INIP: variants seen among roughly 807,000 people sequenced by gnomAD.
INIP encodes the protein INTS3 and NABP interacting protein, also known as SOSS complex subunit C.
INIP carries 9 observed loss-of-function variants against 14.0 expected under a neutral mutation model. The ratio of observed to expected loss-of-function variants is 0.64; its 90% CI spans 0.39 to 1.12. INIP has a LOEUF of 1.12. Ranked by LOEUF, INIP falls within the 50% of genes most tolerant of loss-of-function variation. The pLI is 0.01. For synonymous variants in INIP, 37 were observed against 41.5 expected (o/e 0.89, Z 0.41); for missense variants, 78 against 122.7 (o/e 0.64, Z 1.72).
chr9:112,701,636 T>C (rs1588081621), intron 2 of INIP, among the ~76,000 whole-genome samples: 1 of 152,342 alleles, frequency 6.6e-6, no homozygotes, highest in South Asian at 2.1e-4. Flanking sequence ...CCCATTTGTA[T>C]ATATACAAAT....
At chr9:112,689,496 C>T (rs753953203) in intron 4 of INIP, 31 bp downstream of exon 4, 23 of 1,575,516 alleles carry the variant, frequency 1.5e-5, no homozygotes, top group Non-Finnish European at 1.8e-5. Flanking sequence ...GAAACCTCCA[C>T]CGAGGCAAGA....
At position 112,694,220 on chromosome 9, in the gene INIP, T is replaced by C; in HGVS notation, c.39A>G (p.Lys13=). The C allele has an allele frequency of 6.2e-7, 1 of 1,606,800 alleles. No individual in the cohort carries two copies. Among genetic ancestry groups the C allele is most frequent in the Admixed American group, 1.7e-5 (1 of 58,422 alleles). Residue 13 remains lysine, a synonymous_variant, in exon 3 of 5, where the codon AAA becomes AAG. Coordinates refer to ENST00000374242, the MANE Select transcript of INIP (RefSeq NM_021218.3). The part of the protein sequence containing the change: ...ANSSGQGFQN[K]NRVAILAELD... ...GTTCTGCCAAGATTGCAACTCTATT[T>C]TTGTTTTGAAAACCTAAAAAAAAGA...
Position 112,687,365 on chromosome 9 carries a change from C to T in INIP, c.*173G>A. On this transcript the variant is annotated 3_prime_UTR_variant, in exon 5 of 5. Coordinates refer to ENST00000374242, the MANE Select transcript of INIP (RefSeq NM_021218.3). ...TGGACGATACAGCTTCCACAGCTCT[C>T]ATCATCCTGGTTATTCTTCTTTCAG... The T allele has an allele frequency of 1.9e-6, 1 of 519,636 alleles. No homozygotes were observed. Among genetic ancestry groups the T allele is most frequent in the Non-Finnish European group, 3.5e-6 (1 of 285,502 alleles). The allele number at this position is 519,636 out of a possible 1,614,324, so 32.2% of individuals were successfully genotyped here. A position where few individuals can be genotyped will look rare whatever the true frequency, so the allele number is the denominator to read the frequency against.
chr9:112,695,964 T>C (rs1369463860), intron 2 of INIP, among the ~76,000 whole-genome samples: 1 of 152,140 alleles, frequency 6.6e-6, no homozygotes, highest in East Asian at 1.9e-4. Context: ...CATATCTCAC[T>C]GCAGCCTCAA....
chr9:112,686,522 A>G lies in INIP; in HGVS notation c.*1016T>C, dbSNP rs565780013. ...TTCTTTTTCTTTTTTTCTTTGAGAC[A>G]AAGACTCACTGTCACCCAGGCTGGA... On this transcript the variant is annotated 3_prime_UTR_variant, in exon 5 of 5. Transcript: ENST00000374242. 4 of 152,286 alleles carry G rather than the reference A, an allele frequency of 2.6e-5. No homozygotes were observed. The highest frequency in any genetic ancestry group is 2.6e-4 in the Admixed American group (4 of 15,282). 9.4% of individuals were successfully genotyped at this position (152,286 alleles called of 1,614,324 possible). A position where few individuals can be genotyped will look rare whatever the true frequency, so the allele number is the denominator to read the frequency against.
At chr9:112,706,830 G>T (rs1838487287) in intron 2 of INIP, among the ~76,000 whole-genome samples, 1 of 152,110 alleles carries the variant, frequency 6.6e-6, no homozygotes, top group Non-Finnish European at 1.5e-5. Context: ...GGTCTTGATG[G>T]CCTCAAGTGA....
intron 2 of INIP, among the ~76,000 whole-genome samples, chr9:112,700,974 T>C (rs1162380502): frequency 6.6e-6 from 1 of 152,004 alleles, no homozygotes; most frequent in Non-Finnish European, 1.5e-5. Flanking sequence ...AGAAAACAGA[T>C]ATATATATAT....
intron 2 of INIP, among the ~76,000 whole-genome samples, chr9:112,714,894 G>A (rs1434550161): frequency 6.6e-6 from 1 of 151,956 alleles, no homozygotes; most frequent in African/African-American, 2.4e-5. Context: ...ACACAACCTA[G>A]GCTGTACGGT....
At chr9:112,712,978 A>G (rs1838693115) in intron 2 of INIP, among the ~76,000 whole-genome samples, 1 of 152,194 alleles carries the variant, frequency 6.6e-6, no homozygotes, top group African/African-American at 2.4e-5. Flanking sequence ...AAAATAACAC[A>G]TTACATACAG....
At position 112,706,356 on chromosome 9, in the gene INIP, C is replaced by T. The variant is rs542297314; in HGVS notation, c.25+10105G>A. 2.8e-4 allele frequency among the ~76,000 whole-genome samples: 43 copies of T among 152,316 alleles called. 1 individual carries two copies. The South Asian group carries it at 8.9e-3, about 32-fold the overall frequency. ...CTCAAATCCCTGGGCTCAAGCGATC[C>T]TCCTGCCTCAGCCTCCAAAGCAGCT... On this transcript the variant is annotated intron_variant, in intron 2 of 4. Coordinates refer to ENST00000374242, the MANE Select transcript of INIP (RefSeq NM_021218.3).
In INIP at chr9:112,704,438, CA is replaced by C. The variant is rs536905950; in HGVS notation, c.26-10206del. Among the ~76,000 whole-genome samples the C allele has an allele frequency of 5.3e-4, 80 of 152,070 alleles. 1 individual carries two copies. In the South Asian group the frequency reaches 0.012, roughly 22 times the overall value. ...ACTGAGCTATGAAACACTGATCACA[CA>C]AAAAATAAAGAATATTTCAATTAAT... On this transcript the variant is annotated intron_variant, in intron 2 of 4. Coordinates refer to ENST00000374242, the MANE Select transcript of INIP (RefSeq NM_021218.3).
intron 2 of INIP, among the ~76,000 whole-genome samples, chr9:112,694,615 C>T (rs968713901): frequency 6.6e-6 from 1 of 152,154 alleles, no homozygotes; most frequent in Non-Finnish European, 1.5e-5. Context: ...TCTATCCTGC[C>T]GAGTCAATCT....
intron 3 of INIP, among the ~76,000 whole-genome samples, chr9:112,692,428 C>T (rs1003442834): frequency 6.6e-6 from 1 of 152,090 alleles, no homozygotes; most frequent in East Asian, 1.9e-4. Flanking sequence ...GCACTACAGG[C>T]ATGCACCACC....
intron 2 of INIP, among the ~76,000 whole-genome samples, chr9:112,707,219 A>G (rs1002800700): frequency 6.7e-6 from 1 of 148,216 alleles, no homozygotes; most frequent in African/African-American, 2.5e-5. Context: ...GATTACAGGC[A>G]TGAGCCACTG....
rs1837679019 is a variant in INIP at position 112,686,647 on chromosome 9, C to A, written c.*891G>T. ...GAGTAGCTGGGATTACAGGCGTGTG[C>A]CACCACACATGGCTAATTTTTTATA... On this transcript the variant is annotated 3_prime_UTR_variant, in exon 5 of 5. Coordinates refer to ENST00000374242, the MANE Select transcript of INIP (RefSeq NM_021218.3). The A allele has an allele frequency of 6.6e-6, 1 of 152,388 alleles. No individual in the cohort carries two copies. The highest frequency in any genetic ancestry group is 3.4e-3 in the Middle Eastern group (1 of 294). The allele number at this position is 152,388 out of a possible 1,614,324, so 9.4% of individuals were successfully genotyped here.
rs112355247 is a variant in INIP at position 112,717,247 on chromosome 9, T to C, written c.-56-706A>G. On this transcript the variant is annotated intron_variant, in intron 1 of 4. Coordinates refer to ENST00000374242, the MANE Select transcript of INIP (RefSeq NM_021218.3). ...TCTAAAACACATACCCAAAAACTAC[T>C]GTGTACACTGAAAGCTAAAAAAGGT... Among the ~76,000 whole-genome samples, 207 of 152,324 alleles carry C rather than the reference T, an allele frequency of 1.4e-3. 1 individual carries two copies. Among genetic ancestry groups the C allele is most frequent in the African/African-American group, 4.7e-3 (195 of 41,568 alleles).
At position 112,687,719 on chromosome 9, in the gene INIP, G is replaced by A. The variant is rs960196071; in HGVS notation, c.220-86C>T. 7 of 636,598 alleles carry A rather than the reference G, an allele frequency of 1.1e-5. No individual in the cohort carries two copies. In the African/African-American group the frequency reaches 1.1e-4, roughly 10 times the overall value. The allele number at this position is 636,598 out of a possible 1,614,324, so 39.4% of individuals were successfully genotyped here. A position where few individuals can be genotyped will look rare whatever the true frequency, so the allele number is the denominator to read the frequency against. On this transcript the variant is annotated intron_variant, in intron 4 of 4. Coordinates refer to ENST00000374242, the MANE Select transcript of INIP (RefSeq NM_021218.3). Reference sequence around the variant, plus strand: ...CCAAGGCATTAAAATTACTCTTTCTGAATGCTTGAGACCAAATTTATTTGT... The same window carrying A: ...CCAAGGCATTAAAATTACTCTTTCTAAATGCTTGAGACCAAATTTATTTGT...
At chr9:112,691,136 T>C (rs527647714) in intron 3 of INIP, among the ~76,000 whole-genome samples, 3 of 152,308 alleles carry the variant, frequency 2.0e-5, no homozygotes, top group Admixed American at 6.5e-5. Context: ...GAAGCAGTTA[T>C]AATAATTGAG....
intron 4 of INIP, among the ~76,000 whole-genome samples, chr9:112,688,625 AG>A (rs2131278600): frequency 6.6e-6 from 1 of 152,218 alleles, no homozygotes; most frequent in African/African-American, 2.4e-5. Context: ...GTTTGAGACC[AG>A]TCTGGGCAAC....
Sources: gnomAD v4.1 joint callset for allele counts (sites outside exome capture counted in the v4.1 genomes callset) on GRCh38, gnomAD v4.1.1 for gene constraint, MANE v1.5 for transcripts, NCBI Gene and HGNC (gene_info 2026-07-23, HGNC 2026-07-21) for gene names.